The following TMEM74 variants were observed in gnomAD, a reference collection of about 807,000 sequenced individuals.
The protein encoded by TMEM74 is transmembrane protein 74.
Under a neutral mutation model 18.1 loss-of-function variants are expected in TMEM74, and 13 were observed. The observed-to-expected ratio is 0.72, with a 90% CI of 0.47 to 1.14. TMEM74 has a LOEUF of 1.14. Ranked by LOEUF, TMEM74 falls within the 50% of genes most tolerant of loss-of-function variation. The probability of loss-of-function intolerance (pLI) is 0.00; values close to 1 mark genes in which losing one functional copy is unlikely to be tolerated. For missense variants in TMEM74, 372 were observed against 375.9 expected (o/e 0.99, Z 0.09); for synonymous variants, 159 against 146.6 (o/e 1.08, Z -0.61).
downstream of TMEM74, among the ~76,000 whole-genome samples, chr8:108,776,061 A>T (rs1277797109): frequency 6.6e-6 from 1 of 152,248 alleles, no homozygotes; most frequent in Non-Finnish European, 1.5e-5. Context: ...GGTCTGGATA[A>T]ATGGCAATGA....
intron 1 of TMEM74, among the ~76,000 whole-genome samples, chr8:108,725,863 T>C (rs888352960): frequency 6.6e-6 from 1 of 152,192 alleles, no homozygotes; most frequent in African/African-American, 2.4e-5. Flanking sequence ...TAAGGTGCTA[T>C]AAATTACTCA....
intron 2 of TMEM74, among the ~76,000 whole-genome samples, chr8:108,625,712 CTTG>C (rs1467258940): frequency 1.3e-5 from 2 of 151,874 alleles, no homozygotes; most frequent in Admixed American, 1.3e-4. Context: ...CAAAATAATT[CTTG>C]TTGTTGTCTT....
At position 108,687,243 on chromosome 8, in the gene TMEM74, C is replaced by T. The variant is rs904425055; in HGVS notation, n.120-31806G>A. Among the ~76,000 whole-genome samples, 5 of 151,742 alleles carry T rather than the reference C, an allele frequency of 3.3e-5. No individual in the cohort carries two copies. In the South Asian group the frequency reaches 1.0e-3, roughly 32 times the overall value. On this transcript the variant is annotated intron_variant and non_coding_transcript_variant, in intron 1 of 3. Coordinates refer to the TMEM74 transcript ENST00000518838. Reference sequence around the variant, plus strand: ...TGGAATGGAGGGAACCTATAAAAGCCAACAAACCTATAAAACCCAAAAGCC... The same window carrying T: ...TGGAATGGAGGGAACCTATAAAAGCTAACAAACCTATAAAACCCAAAAGCC...
intron 1 of TMEM74, among the ~76,000 whole-genome samples, chr8:108,671,146 A>G (rs1451348367): frequency 1.3e-5 from 2 of 152,218 alleles, no homozygotes; most frequent in African/African-American, 4.8e-5. Context: ...CCTAAACTAT[A>G]GGTAGGGACT....
Position 108,654,143 on chromosome 8 carries a change from C to T in TMEM74, n.264+1150G>A, listed in dbSNP as rs147669939. 8.4e-3 allele frequency among the ~76,000 whole-genome samples: 1,278 copies of T among 152,050 alleles called. 20 individuals carry two copies. The highest frequency in any genetic ancestry group is 0.027 in the African/African-American group (1,132 of 41,482). On this transcript the variant is annotated intron_variant and non_coding_transcript_variant, in intron 2 of 3. Transcript: ENST00000518838. ...ATTTTTTATTTTCTTAGATCTTGAG[C>T]TTGCATTACTTTTACTTAGTGGAAA... is the stretch of plus-strand genomic sequence containing the variant.
chr8:108,704,040 C>A (rs533058883), intron 1 of TMEM74, among the ~76,000 whole-genome samples: 160 of 152,258 alleles, frequency 1.1e-3, no homozygotes, highest in Non-Finnish European at 1.8e-3. Flanking sequence ...AGTGAAAATT[C>A]TTACAGTTCA....
chr8:108,644,470 G>T (rs571373137), intron 2 of TMEM74, among the ~76,000 whole-genome samples: 1 of 152,054 alleles, frequency 6.6e-6, no homozygotes, highest in Non-Finnish European at 1.5e-5. Context: ...GACCTCAAAA[G>T]CAATTGCACC....
intron 1 of TMEM74, among the ~76,000 whole-genome samples, chr8:108,757,924 T>G (rs1486025787): frequency 6.6e-6 from 1 of 152,034 alleles, no homozygotes; most frequent in Non-Finnish European, 1.5e-5. Context: ...TTCAGTTGGA[T>G]TGTGTGCTTT....
At chr8:108,652,596 A>C (rs1392302397) in intron 2 of TMEM74, 1 of 622,960 alleles carries the variant, frequency 1.6e-6, no homozygotes, top group Non-Finnish European at 3.0e-6. Flanking sequence ...GAAAACAGAG[A>C]CACTGGGAAA....
rs1206691908 is a variant in TMEM74, at chr8:108,784,435, C to T, written c.664G>A (p.Ala222Thr). The change falls in exon 2 of 2, where the codon GCG becomes ACG. Residue 222 changes from alanine to threonine, a missense_variant. Coordinates refer to ENST00000297459, the MANE Select transcript of TMEM74 (RefSeq NM_153015.3). ...REMERLEKES[A>T]RLGAHLDRCV... ...CGGTCCAGGTGAGCCCCCAGCCTCGCACTCTCCTTCTCCAGGCGCTCCATC... is the reference window on the plus strand; with the variant it reads ...CGGTCCAGGTGAGCCCCCAGCCTCGTACTCTCCTTCTCCAGGCGCTCCATC... 1 of 1,614,170 alleles carries T rather than the reference C, an allele frequency of 6.2e-7. No homozygotes were observed. Among genetic ancestry groups the T allele is most frequent in the Admixed American group, 1.7e-5 (1 of 60,018 alleles).
At chr8:108,701,888 G>A (rs374362237) in intron 1 of TMEM74, among the ~76,000 whole-genome samples, 1 of 151,994 alleles carries the variant, frequency 6.6e-6, no homozygotes, top group Admixed American at 6.6e-5. Context: ...CGATTTTGTG[G>A]ATATTGAGAA....
intron 2 of TMEM74, among the ~76,000 whole-genome samples, chr8:108,636,236 T>C (rs1219377325): frequency 6.6e-6 from 1 of 151,972 alleles, no homozygotes; most frequent in African/African-American, 2.4e-5. Flanking sequence ...CCCATCAGTA[T>C]AAGGAATTAG....
At chr8:108,649,021 C>T (rs181240915) in intron 2 of TMEM74, among the ~76,000 whole-genome samples, 14 of 152,232 alleles carry the variant, frequency 9.2e-5, no homozygotes, top group Middle Eastern at 6.8e-3. Context: ...TGGACTTTTA[C>T]GTGGGTTCTT....
intron 1 of TMEM74, among the ~76,000 whole-genome samples, chr8:108,771,436 T>C (rs1257229820): frequency 6.6e-6 from 1 of 152,158 alleles, no homozygotes; most frequent in Non-Finnish European, 1.5e-5. Flanking sequence ...TTGGAATATA[T>C]AACAAAATAC....
intron 1 of TMEM74, among the ~76,000 whole-genome samples, chr8:108,667,259 T>C (rs1812957967): frequency 6.6e-6 from 1 of 152,212 alleles, no homozygotes; most frequent in African/African-American, 2.4e-5. Context: ...CACATAAGAC[T>C]GACCAATATC....
At chr8:108,776,678 G>A (rs1814236530), downstream of TMEM74, among the ~76,000 whole-genome samples, 1 of 151,990 alleles carries the variant, frequency 6.6e-6, no homozygotes, top group Admixed American at 6.6e-5. Context: ...TTCTTGGAGG[G>A]ATGTATTTAT....
At chr8:108,700,147 G>GTGTGTGTA (rs1484364609) in intron 1 of TMEM74, among the ~76,000 whole-genome samples, 4 of 151,660 alleles carry the variant, frequency 2.6e-5, no homozygotes, top group African/African-American at 7.3e-5. Context: ...GTGTGTGTGT[G>GTGTGTGTA]TGTGTGTGTG....
chr8:108,741,339 T>C (rs1813798021), intron 1 of TMEM74, among the ~76,000 whole-genome samples: 1 of 152,212 alleles, frequency 6.6e-6, no homozygotes, highest in Admixed American at 6.5e-5. Context: ...ATGCTTTAAA[T>C]TCACACACAT....
intron 1 of TMEM74, among the ~76,000 whole-genome samples, chr8:108,739,388 G>A (rs889625020): frequency 6.6e-6 from 1 of 152,212 alleles, no homozygotes; most frequent in Admixed American, 6.5e-5. Flanking sequence ...GTCGTGTGCT[G>A]TATTTTAGGA....
Sources: allele counts gnomAD v4.1 joint callset (sites outside exome capture counted in the v4.1 genomes callset), GRCh38; gene constraint gnomAD v4.1.1; transcripts MANE v1.5; gene names NCBI Gene and HGNC (gene_info 2026-07-23, HGNC 2026-07-21).